The following PCGF5 variants were observed in gnomAD, a reference collection of about 807,000 sequenced individuals.
PCGF5 encodes polycomb group RING finger protein 5.
In PCGF5, 9 loss-of-function variants were observed where a neutral mutation model predicts 44.3. The observed-to-expected ratio is 0.20, with a 90% CI of 0.12 to 0.35. The LOEUF (loss-of-function observed/expected upper bound fraction) is 0.35. Ranked by LOEUF, PCGF5 falls within the 10% of genes least tolerant of loss-of-function variation. The pLI is 1.00. For missense variants in PCGF5, 146 were observed against 305.3 expected (o/e 0.48, Z 3.89); for synonymous variants, 95 against 102.5 (o/e 0.93, Z 0.44).
chr10:91,220,917 C>T (rs963049533), intron 1 of PCGF5, 81 bp downstream of exon 1: 16 of 152,832 alleles, frequency 1.0e-4, no homozygotes, highest in African/African-American at 3.6e-4. Context: ...AGCGACACCT[C>T]CAGACACCTG....
chr10:91,170,090 T>C (rs1443417510), intron 1 of PCGF5, among the ~76,000 whole-genome samples: 1 of 152,196 alleles, frequency 6.6e-6, no homozygotes, highest in Non-Finnish European at 1.5e-5. Flanking sequence ...AGAAAAAAGT[T>C]AATCTAGACA....
chr10:91,191,522 A>C (rs554737578), intron 1 of PCGF5, among the ~76,000 whole-genome samples: 1 of 152,256 alleles, frequency 6.6e-6, no homozygotes, highest in South Asian at 2.1e-4. Context: ...CTGAAACCAC[A>C]GAAAGCAAAC....
upstream of PCGF5, among the ~76,000 whole-genome samples, chr10:91,162,123 A>C (rs957568145): frequency 2.0e-4 from 30 of 152,064 alleles, no homozygotes; most frequent in Non-Finnish European, 3.2e-4. Flanking sequence ...AAGGACAGAC[A>C]CATTTCAGGT....
At chr10:91,212,325 A>G (rs976923711) in intron 1 of PCGF5, among the ~76,000 whole-genome samples, 13 of 152,228 alleles carry the variant, frequency 8.5e-5, no homozygotes, top group African/African-American at 2.9e-4. Flanking sequence ...TACATGAAAT[A>G]TTGTGTTGCA....
chr10:91,224,298 A>G (rs35984384), intron 2 of PCGF5, among the ~76,000 whole-genome samples: 12,665 of 152,216 alleles, frequency 0.083, 736 homozygotes, highest in African/African-American at 0.16. Context: ...GCAATTAACT[A>G]TGTACTATCT....
At chr10:91,175,142 A>T (rs1475394155) in intron 1 of PCGF5, among the ~76,000 whole-genome samples, 1 of 152,240 alleles carries the variant, frequency 6.6e-6, no homozygotes, top group African/African-American at 2.4e-5. Flanking sequence ...TAAGGGAACT[A>T]GATCCTCACT....
chr10:91,218,408 G>A (rs1844586901), upstream of PCGF5, among the ~76,000 whole-genome samples: 1 of 152,040 alleles, frequency 6.6e-6, no homozygotes, highest in Non-Finnish European at 1.5e-5. Flanking sequence ...TGTTATCAGA[G>A]CTACCCCCTC....
chr10:91,197,129 AAAC>A (rs1465703526), intron 1 of PCGF5, among the ~76,000 whole-genome samples: 4 of 152,230 alleles, frequency 2.6e-5, no homozygotes, highest in Non-Finnish European at 5.9e-5. Context: ...TAACGATTTC[AAAC>A]AACAGTAATC....
In PCGF5 at chr10:91,263,664, C is replaced by T. The variant is rs954071900; in HGVS notation, c.574-767C>T. On this transcript the variant is annotated intron_variant, in intron 7 of 9. Coordinates refer to ENST00000336126, the MANE Select transcript of PCGF5 (RefSeq NM_032373.5). ...TTCTTGAATTAGTGAATTATAGCCA[C>T]AGTTCCTGTAGCCTTCTTAAAGATT... 3.3e-5 allele frequency among the ~76,000 whole-genome samples: 5 copies of T among 152,224 alleles called. No individual in the cohort carries two copies. The East Asian group carries it at 9.6e-4, about 29-fold the overall frequency.
At chr10:91,216,284 C>T (rs1421422803), upstream of PCGF5, among the ~76,000 whole-genome samples, 3 of 152,066 alleles carry the variant, frequency 2.0e-5, no homozygotes, top group Non-Finnish European at 4.4e-5. Flanking sequence ...TCAGCTAATA[C>T]GTGAAAGGAT....
chr10:91,272,120 A>G (rs1363083640), intron 9 of PCGF5, among the ~76,000 whole-genome samples: 1 of 152,240 alleles, frequency 6.6e-6, no homozygotes, highest in Non-Finnish European at 1.5e-5. Context: ...GAGCTTGCTT[A>G]TTAGCCCTTC....
At chr10:91,260,848 T>C (rs1263296523) in intron 6 of PCGF5, among the ~76,000 whole-genome samples, 2 of 150,052 alleles carry the variant, frequency 1.3e-5, no homozygotes, top group African/African-American at 2.4e-5. Flanking sequence ...GTAGGAGATA[T>C]ACCTAATGCT....
rs1303195131 is a variant in PCGF5, at chr10:91,279,777, A to G, written c.*1461A>G. On this transcript the variant is annotated 3_prime_UTR_variant, in exon 10 of 10. Coordinates refer to ENST00000336126, the MANE Select transcript of PCGF5 (RefSeq NM_032373.5). ...TGTGTGTTACACACATTTAGTTTTT[A>G]TACTGCATATGTGGTAAATGTGTCA... The G allele has an allele frequency of 1.3e-5, 2 of 152,108 alleles. No homozygotes were observed. The highest frequency in any genetic ancestry group is 1.9e-4 in the East Asian group (1 of 5,190). 9.4% of individuals were successfully genotyped at this position (152,108 alleles called of 1,614,324 possible). A position where few individuals can be genotyped will look rare whatever the true frequency, so the allele number is the denominator to read the frequency against.
intron 1 of PCGF5, among the ~76,000 whole-genome samples, chr10:91,170,492 A>C (rs1055858709): frequency 6.6e-6 from 1 of 152,256 alleles, no homozygotes; most frequent in African/African-American, 2.4e-5. Flanking sequence ...ACAGATGGCA[A>C]ATAAGCATAT....
At chr10:91,192,233 A>G (rs909345711) in intron 1 of PCGF5, among the ~76,000 whole-genome samples, 2 of 152,216 alleles carry the variant, frequency 1.3e-5, no homozygotes, top group African/African-American at 4.8e-5. Context: ...TTAAAAAAGC[A>G]TTTATGACTA....
chr10:91,159,983 C>T (rs1843358947), upstream of PCGF5, among the ~76,000 whole-genome samples: 1 of 152,126 alleles, frequency 6.6e-6, no homozygotes, highest in Non-Finnish European at 1.5e-5. Flanking sequence ...TTATATAAAT[C>T]ATATCTATAT....
intron 1 of PCGF5, among the ~76,000 whole-genome samples, chr10:91,163,876 C>T (rs1438508859): frequency 2.0e-5 from 3 of 152,138 alleles, no homozygotes; most frequent in Non-Finnish European, 4.4e-5. Flanking sequence ...CCCGCTGCTC[C>T]CATCCCCTCC....
Position 91,271,630 on chromosome 10 carries a change from C to G in PCGF5, c.664-8C>G, listed in dbSNP as rs757028996. ...GCCTCTTATCTGATGAGTTCATCTC[C>G]TCCGCAGTTTCGGTGTCTGAACTGC... On this transcript the variant is annotated splice_polypyrimidine_tract_variant and splice_region_variant and intron_variant, in intron 8 of 9. Transcript: ENST00000336126. The G allele has an allele frequency of 6.2e-7, 1 of 1,613,306 alleles. No homozygotes were observed.
chr10:91,197,200 C>G (rs1844149510), intron 1 of PCGF5, among the ~76,000 whole-genome samples: 1 of 152,164 alleles, frequency 6.6e-6, no homozygotes, highest in Non-Finnish European at 1.5e-5. Flanking sequence ...GCAGCGTAGC[C>G]TGTCTCCATT....
Sources: gnomAD v4.1 joint callset for allele counts (sites outside exome capture counted in the v4.1 genomes callset) on GRCh38, gnomAD v4.1.1 for gene constraint, MANE v1.5 for transcripts, NCBI Gene and HGNC (gene_info 2026-07-23, HGNC 2026-07-21) for gene names.